The following LRRC8C variants were observed in gnomAD, a reference collection of about 807,000 sequenced individuals.
The protein encoded by LRRC8C is volume-regulated anion channel subunit LRRC8C.
Under a neutral mutation model 55.3 loss-of-function variants are expected in LRRC8C, and 20 were observed. The observed-to-expected ratio is 0.36, with a 90% CI of 0.25 to 0.53. The LOEUF (loss-of-function observed/expected upper bound fraction) is 0.53. Ranked by LOEUF, LRRC8C falls within the 20% of genes least tolerant of loss-of-function variation. The pLI is 0.92. For missense variants in LRRC8C, 659 were observed against 951.4 expected (o/e 0.69, Z 4.04); for synonymous variants, 376 against 360.7 (o/e 1.04, Z -0.48).
intron 2 of LRRC8C, among the ~76,000 whole-genome samples, chr1:89,691,868 C>T (rs893650956): frequency 9.9e-5 from 15 of 151,994 alleles, no homozygotes; most frequent in South Asian, 6.2e-4. Flanking sequence ...AAGAGAAAAT[C>T]GTTACAAAAA....
At chr1:89,712,136 A>C (rs1345020353) in intron 2 of LRRC8C, among the ~76,000 whole-genome samples, 1 of 152,100 alleles carries the variant, frequency 6.6e-6, no homozygotes, top group Non-Finnish European at 1.5e-5. Context: ...TTTTGAGACA[A>C]AATTTTGTTC....
intron 1 of LRRC8C, among the ~76,000 whole-genome samples, chr1:89,683,090 G>A (rs551742353): frequency 6.6e-6 from 1 of 152,304 alleles, no homozygotes; most frequent in Non-Finnish European, 1.5e-5. Context: ...TCACCACCAT[G>A]AGCTTGACAG....
At chr1:89,705,460 A>T (rs1365740862) in intron 2 of LRRC8C, among the ~76,000 whole-genome samples, 4 of 151,608 alleles carry the variant, frequency 2.6e-5, no homozygotes, top group Non-Finnish European at 5.9e-5. Flanking sequence ...AACCAAAAAT[A>T]AAATAAAATA....
intron 2 of LRRC8C, among the ~76,000 whole-genome samples, chr1:89,712,119 AT>A (rs891618055): frequency 0.011 from 1,661 of 150,570 alleles, 33 homozygotes; most frequent in African/African-American, 0.038. Context: ...AGAATTGATA[AT>A]TTTTTTTTTG....
chr1:89,693,829 G>A (rs1019275671), intron 2 of LRRC8C, among the ~76,000 whole-genome samples: 5 of 151,108 alleles, frequency 3.3e-5, no homozygotes, highest in Admixed American at 2.6e-4. Context: ...GCTAATTTTT[G>A]TATTTTTAGT....
rs10593283 is a variant in LRRC8C, at chr1:89,680,549, C to CTTTTTTTTTTTTTTTTTTTTT, written c.-4-5919_-4-5899dup. 3.3e-5 allele frequency among the ~76,000 whole-genome samples: 3 copies of CTTTTTTTTTTTTTTTTTTTTT among 91,870 alleles called. 1 individual carries two copies. The highest frequency in any genetic ancestry group is 4.4e-5 in the African/African-American group (1 of 22,524). 60.3% of individuals were successfully genotyped at this position (91,870 alleles called of 152,430 possible). A position where few individuals can be genotyped will look rare whatever the true frequency, so the allele number is the denominator to read the frequency against. ...GTGCCAGGTGTTTCATGCTTTCATG[C>CTTTTTTTTTTTTTTTTTTTTT]TTTTTTTTTTTTTTTTTTTTTTCTG... On this transcript the variant is annotated intron_variant, in intron 1 of 2. Transcript: ENST00000370454.
chr1:89,667,721 A>G (rs1015169635), intron 1 of LRRC8C, among the ~76,000 whole-genome samples: 4 of 152,158 alleles, frequency 2.6e-5, no homozygotes, highest in Non-Finnish European at 5.9e-5. Flanking sequence ...CTAAAACTTT[A>G]AAGTGGTTTG....
At chr1:89,710,138 C>G (rs1470205066) in intron 2 of LRRC8C, among the ~76,000 whole-genome samples, 1 of 152,152 alleles carries the variant, frequency 6.6e-6, no homozygotes, top group East Asian at 1.9e-4. Flanking sequence ...AAGCACATTC[C>G]TTTTCCCTGC....
At chr1:89,665,175 G>A (rs1657226997) in intron 1 of LRRC8C, among the ~76,000 whole-genome samples, 1 of 152,186 alleles carries the variant, frequency 6.6e-6, no homozygotes, top group Admixed American at 6.5e-5. Flanking sequence ...CGTTGAATAG[G>A]AGTGGTGAGA....
the LRRC8C span, among the ~76,000 whole-genome samples, chr1:89,624,478 G>C: frequency 6.6e-6 from 1 of 152,192 alleles, no homozygotes; most frequent in Non-Finnish European, 1.5e-5. Context: ...AGGCTAACAA[G>C]AGTATGTAAC....
chr1:89,694,585 CTTTTTTTTTT>C (rs33917661), intron 2 of LRRC8C, among the ~76,000 whole-genome samples: 11 of 83,282 alleles, frequency 1.3e-4, no homozygotes, highest in African/African-American at 5.4e-4. Flanking sequence ...TGCCCAGCTT[CTTTTTTTTTT>C]TTTTTTTTTT....
At chr1:89,681,446 A>G (rs1430449375) in intron 1 of LRRC8C, among the ~76,000 whole-genome samples, 1 of 152,204 alleles carries the variant, frequency 6.6e-6, no homozygotes, top group East Asian at 1.9e-4. Flanking sequence ...TAATTCAATA[A>G]AATCTGGTAC....
At chr1:89,680,130 T>C (rs1184425184) in intron 1 of LRRC8C, among the ~76,000 whole-genome samples, 1 of 150,162 alleles carries the variant, frequency 6.7e-6, no homozygotes, top group South Asian at 2.1e-4. Flanking sequence ...CTGGATGGAA[T>C]GCAGTGGCGC....
intron 1 of LRRC8C, among the ~76,000 whole-genome samples, chr1:89,643,968 A>C (rs921900326): frequency 6.6e-6 from 1 of 152,252 alleles, no homozygotes; most frequent in Admixed American, 6.5e-5. Flanking sequence ...CTTTGTTTCA[A>C]GTTTTTAAAA....
At chr1:89,655,745 G>T (rs551581530) in intron 1 of LRRC8C, among the ~76,000 whole-genome samples, 1 of 152,296 alleles carries the variant, frequency 6.6e-6, no homozygotes, top group Non-Finnish European at 1.5e-5. Context: ...GAACCCTCAA[G>T]ACCTAAACAA....
the LRRC8C span, among the ~76,000 whole-genome samples, chr1:89,616,993 TTC>T: frequency 6.6e-6 from 1 of 152,218 alleles, no homozygotes; most frequent in Non-Finnish European, 1.5e-5. Context: ...GCCTTGTGCC[TTC>T]TCTTTCCTTT....
chr1:89,649,487 T>C (rs796547001), intron 1 of LRRC8C, among the ~76,000 whole-genome samples: 8 of 152,274 alleles, frequency 5.3e-5, no homozygotes, highest in African/African-American at 1.4e-4. Flanking sequence ...CTTCTGTGCA[T>C]TTTTCCCCTC....
chr1:89,704,919 CT>C (rs1424123192), intron 2 of LRRC8C, among the ~76,000 whole-genome samples: 2 of 152,024 alleles, frequency 1.3e-5, no homozygotes, highest in Admixed American at 1.3e-4. Flanking sequence ...CATCCCATTA[CT>C]GGGTATATAC....
intron 1 of LRRC8C, among the ~76,000 whole-genome samples, chr1:89,651,361 G>A (rs1000128025): frequency 6.6e-6 from 1 of 152,124 alleles, no homozygotes; most frequent in Admixed American, 6.5e-5. Flanking sequence ...GAGGTCAGGA[G>A]ATCGAGACCA....
Sources: allele counts gnomAD v4.1 joint callset (sites outside exome capture counted in the v4.1 genomes callset), GRCh38; gene constraint gnomAD v4.1.1; transcripts MANE v1.5; gene names NCBI Gene and HGNC (gene_info 2026-07-23, HGNC 2026-07-21).